SAMD12: variants seen among roughly 807,000 people sequenced by gnomAD.
The protein encoded by SAMD12 is sterile alpha motif domain containing 12, also known as sterile alpha motif domain-containing protein 12.
SAMD12 carries 9 observed loss-of-function variants against 15.0 expected under a neutral mutation model. The ratio of observed to expected loss-of-function variants is 0.60; its 90% CI spans 0.36 to 1.05. The LOEUF is 1.05. Ranked by LOEUF, SAMD12 falls within the 50% of genes least tolerant of loss-of-function variation. SAMD12 has a pLI of 0.01. For missense variants in SAMD12, 230 were observed against 234.2 expected, an observed-to-expected ratio of 0.98 and a Z score of 0.12; for synonymous variants, 86 against 90.1, an observed-to-expected ratio of 0.96 and a Z score of 0.25.
At chr8:118,309,388 G>A (rs199901970) in intron 4 of SAMD12, among the ~76,000 whole-genome samples, 106 of 138,820 alleles carry the variant, frequency 7.6e-4, no homozygotes, top group African/African-American at 3.4e-3. Context: ...ATATGTGTGT[G>A]TGTGTGTGTG....
At chr8:118,447,117 A>G (rs1284988050) in intron 2 of SAMD12, among the ~76,000 whole-genome samples, 2 of 152,022 alleles carry the variant, frequency 1.3e-5, no homozygotes, top group Non-Finnish European at 2.9e-5. Context: ...TACTCCACAT[A>G]TAATCTATTA....
At chr8:118,410,044 C>T (rs1821333881) in intron 3 of SAMD12, among the ~76,000 whole-genome samples, 1 of 148,286 alleles carries the variant, frequency 6.7e-6, no homozygotes, top group South Asian at 2.1e-4. Flanking sequence ...TCACAATTTG[C>T]AAGATATTTA....
At chr8:118,584,932 C>T (rs1018234697) in intron 1 of SAMD12, among the ~76,000 whole-genome samples, 307 of 151,284 alleles carry the variant, frequency 2.0e-3, no homozygotes, top group African/African-American at 6.3e-3. Flanking sequence ...TACACACACA[C>T]ACACACACAC....
intron 2 of SAMD12, among the ~76,000 whole-genome samples, chr8:118,537,539 G>C (rs1204938851): frequency 6.6e-6 from 1 of 151,956 alleles, no homozygotes; most frequent in African/African-American, 2.4e-5. Context: ...TCTTTCTTCT[G>C]CTCAATCAAT....
chr8:118,321,293 T>C, intron 4 of SAMD12, among the ~76,000 whole-genome samples: 1 of 90,494 alleles, frequency 1.1e-5, no homozygotes, highest in Non-Finnish European at 1.9e-5. Flanking sequence ...TGTTTTTTTT[T>C]TGTTTTTTTT....
chr8:118,526,117 A>G (rs1233076053), intron 2 of SAMD12, among the ~76,000 whole-genome samples: 1 of 152,232 alleles, frequency 6.6e-6, no homozygotes, highest in African/African-American at 2.4e-5. Context: ...CATAGATAAT[A>G]AATAACACTT....
At chr8:118,548,840 C>T (rs558322218) in intron 2 of SAMD12, among the ~76,000 whole-genome samples, 4 of 152,242 alleles carry the variant, frequency 2.6e-5, no homozygotes, top group Non-Finnish European at 4.4e-5. Context: ...TGTGCTTTTC[C>T]GACAGACTTA....
chr8:118,148,938 G>A, the SAMD12 span, among the ~76,000 whole-genome samples: 1 of 152,206 alleles, frequency 6.6e-6, no homozygotes, highest in Non-Finnish European at 1.5e-5. Context: ...ACCAGTTGAT[G>A]GACATTTGGG....
At chr8:118,277,582 A>G (rs1171596865) in intron 4 of SAMD12, among the ~76,000 whole-genome samples, 1 of 130,294 alleles carries the variant, frequency 7.7e-6, no homozygotes, top group South Asian at 2.5e-4. Flanking sequence ...TCTCCTGAGT[A>G]AAAAAAAAAA....
chr8:118,474,829 G>C (rs754510611), intron 2 of SAMD12, among the ~76,000 whole-genome samples: 3 of 152,214 alleles, frequency 2.0e-5, no homozygotes, highest in Non-Finnish European at 4.4e-5. Context: ...GTTCTCGGTA[G>C]AGACTAGTGG....
At chr8:118,178,876 A>G in the SAMD12 span, among the ~76,000 whole-genome samples, 30 of 152,340 alleles carry the variant, frequency 2.0e-4, no homozygotes, top group South Asian at 5.2e-3. Context: ...TTGCTCATGT[A>G]AAGTCTAATG....
chr8:118,503,059 G>C (rs1824830206), intron 2 of SAMD12, among the ~76,000 whole-genome samples: 1 of 152,160 alleles, frequency 6.6e-6, no homozygotes, highest in African/African-American at 2.4e-5. Flanking sequence ...ACACATCAAG[G>C]TAACCATTTT....
At chr8:118,268,065 C>T (rs372387123) in intron 4 of SAMD12, among the ~76,000 whole-genome samples, 1 of 152,166 alleles carries the variant, frequency 6.6e-6, no homozygotes, top group African/African-American at 2.4e-5. Context: ...GCACTCCAGC[C>T]TGGGCAACAG....
At chr8:118,259,007 C>A (rs1263965982) in intron 4 of SAMD12, among the ~76,000 whole-genome samples, 1 of 152,094 alleles carries the variant, frequency 6.6e-6, no homozygotes, top group Non-Finnish European at 1.5e-5. Context: ...CTTTAAAAAT[C>A]CTCAGCAGAC....
chr8:118,260,882 G>A (rs1402910969), intron 4 of SAMD12, among the ~76,000 whole-genome samples: 5 of 152,040 alleles, frequency 3.3e-5, no homozygotes, highest in Admixed American at 2.0e-4. Context: ...ACCATCTTTT[G>A]TGACTTCATC....
chr8:118,536,267 A>T (rs1825838591), intron 2 of SAMD12, among the ~76,000 whole-genome samples: 2 of 152,074 alleles, frequency 1.3e-5, no homozygotes, highest in South Asian at 4.1e-4. Context: ...TCCTCTCCTG[A>T]TATAAGATAA....
At chr8:118,259,747 A>G (rs1377891785) in intron 4 of SAMD12, among the ~76,000 whole-genome samples, 1 of 152,062 alleles carries the variant, frequency 6.6e-6, no homozygotes, top group African/African-American at 2.4e-5. Context: ...TGAGAAACAG[A>G]AGGCTAAATG....
At chr8:118,272,074 C>T (rs1270180571) in intron 4 of SAMD12, among the ~76,000 whole-genome samples, 1 of 152,230 alleles carries the variant, frequency 6.6e-6, no homozygotes, top group Non-Finnish European at 1.5e-5. Flanking sequence ...TTCCACAGTG[C>T]CCTAGCAGAG....
intron 3 of SAMD12, among the ~76,000 whole-genome samples, chr8:118,428,339 T>G (rs956447661): frequency 6.6e-6 from 1 of 152,070 alleles, no homozygotes; most frequent in Middle Eastern, 3.4e-3. Context: ...GTTGGGGCCA[T>G]GGGATCTTTT....
Sources: gnomAD v4.1 joint callset for allele counts (sites outside exome capture counted in the v4.1 genomes callset) on GRCh38, gnomAD v4.1.1 for gene constraint, MANE v1.5 for transcripts, NCBI Gene and HGNC (gene_info 2026-07-23, HGNC 2026-07-21) for gene names.